ERBB4: variants seen among roughly 807,000 people sequenced by gnomAD.
ERBB4 encodes the protein erb-b2 receptor tyrosine kinase 4.
A neutral mutation model predicts 158.0 loss-of-function variants in ERBB4; 42 were observed. The ratio of observed to expected loss-of-function variants is 0.27; its 90% CI spans 0.21 to 0.34. The LOEUF (loss-of-function observed/expected upper bound fraction) is 0.34. Ranked by LOEUF, ERBB4 falls within the 10% of genes least tolerant of loss-of-function variation. The pLI is 1.00. For missense variants in ERBB4, 1,333 were observed against 1,624.1 expected (o/e 0.82, Z 3.08); for synonymous variants, 583 against 558.7 (o/e 1.04, Z -0.61).
At chr2:211,578,835 C>A (rs1204133883) in intron 19 of ERBB4, among the ~76,000 whole-genome samples, 1 of 151,874 alleles carries the variant, frequency 6.6e-6, no homozygotes, top group Non-Finnish European at 1.5e-5. Flanking sequence ...ATGTAAAACC[C>A]AAAATTATAA....
intron 1 of ERBB4, among the ~76,000 whole-genome samples, chr2:212,220,847 GAATT>G (rs1165682332): frequency 6.6e-6 from 1 of 151,306 alleles, no homozygotes; most frequent in African/African-American, 2.4e-5. Context: ...TGTGATTGAT[GAATT>G]AATATCTTAC....
intron 1 of ERBB4, among the ~76,000 whole-genome samples, chr2:212,400,121 G>A (rs564083123): frequency 5.5e-4 from 83 of 152,280 alleles, no homozygotes; most frequent in Non-Finnish European, 6.0e-4. Context: ...TGGTTAGAAA[G>A]ATGACAAAAC....
intron 2 of ERBB4, among the ~76,000 whole-genome samples, chr2:212,116,461 T>C (rs1225069941): frequency 2.0e-5 from 3 of 152,226 alleles, no homozygotes; most frequent in Non-Finnish European, 4.4e-5. Context: ...TTGTTGTTTT[T>C]TCTTGAGACA....
intron 2 of ERBB4, among the ~76,000 whole-genome samples, chr2:211,989,489 A>C (rs2082017769): frequency 6.6e-6 from 1 of 151,888 alleles, no homozygotes; most frequent in African/African-American, 2.4e-5. Flanking sequence ...TCTTAAAATA[A>C]ATTTTATTCA....
chr2:212,106,658 G>C (rs2079236282), intron 2 of ERBB4, among the ~76,000 whole-genome samples: 1 of 152,226 alleles, frequency 6.6e-6, no homozygotes, highest in East Asian at 1.9e-4. Context: ...TGTCCCCAGG[G>C]CATGTCAGAG....
At chr2:212,260,925 A>G (rs1342010931) in intron 1 of ERBB4, among the ~76,000 whole-genome samples, 2 of 152,200 alleles carry the variant, frequency 1.3e-5, no homozygotes, top group African/African-American at 4.8e-5. Flanking sequence ...GAAAGAAATG[A>G]AAGTTATGCA....
chr2:211,376,305 C>A lies in ERBB4; in HGVS notation c.*7310G>T. On this transcript the variant is annotated 3_prime_UTR_variant, in exon 28 of 28. Transcript: ENST00000342788. ...CTTATATACAAATCAACCCTAAAGACAATTATGTTCCAAATAAAGATGTCC... is the reference window on the plus strand; with the variant it reads ...CTTATATACAAATCAACCCTAAAGAAAATTATGTTCCAAATAAAGATGTCC... 4.3e-6 allele frequency: 1 copy of A among 232,984 alleles called. No individual in the cohort carries two copies. Among genetic ancestry groups the A allele is most frequent in the Non-Finnish European group, 8.5e-6 (1 of 117,680 alleles). 14.4% of individuals were successfully genotyped at this position (232,984 alleles called of 1,614,324 possible).
At chr2:212,387,339 C>T (rs1271094300) in intron 1 of ERBB4, among the ~76,000 whole-genome samples, 3 of 152,134 alleles carry the variant, frequency 2.0e-5, no homozygotes, top group Admixed American at 1.3e-4. Flanking sequence ...ATGCATACAG[C>T]AGCGTTGAAG....
chr2:211,768,921 T>C (rs1205410780), intron 4 of ERBB4, among the ~76,000 whole-genome samples: 2 of 152,244 alleles, frequency 1.3e-5, no homozygotes, highest in African/African-American at 4.8e-5. Context: ...AAGTTTTTCT[T>C]TTCTATTGCA....
intron 20 of ERBB4, among the ~76,000 whole-genome samples, chr2:211,532,266 T>G (rs552762022): frequency 1.2e-4 from 18 of 152,154 alleles, no homozygotes; most frequent in Admixed American, 6.5e-4. Context: ...AATTGTACAT[T>G]TTAAAGTAAC....
chr2:211,505,229 T>C (rs1165566399), intron 20 of ERBB4, among the ~76,000 whole-genome samples: 1 of 151,628 alleles, frequency 6.6e-6, no homozygotes, highest in Non-Finnish European at 1.5e-5. Flanking sequence ...CTAAAGAAAA[T>C]TCCCTCAGAC....
At chr2:212,260,255 C>T (rs1374545215) in intron 1 of ERBB4, among the ~76,000 whole-genome samples, 1 of 151,894 alleles carries the variant, frequency 6.6e-6, no homozygotes, top group Non-Finnish European at 1.5e-5. Context: ...CTAGAAAATT[C>T]AGAGTCCAAA....
chr2:212,498,205 A>C (rs1312650758), intron 1 of ERBB4, among the ~76,000 whole-genome samples: 1 of 151,816 alleles, frequency 6.6e-6, no homozygotes, highest in Non-Finnish European at 1.5e-5. Context: ...CCCCTTCCCC[A>C]ACTTCCTGCA....
intron 1 of ERBB4, among the ~76,000 whole-genome samples, chr2:212,412,113 C>T (rs955366710): frequency 1.3e-5 from 2 of 152,218 alleles, no homozygotes; most frequent in African/African-American, 4.8e-5. Flanking sequence ...ATCATGCCCA[C>T]ACCCATTCCC....
chr2:212,205,093 C>G (rs2105912011), intron 1 of ERBB4, among the ~76,000 whole-genome samples: 1 of 152,188 alleles, frequency 6.6e-6, no homozygotes, highest in East Asian at 1.9e-4. Flanking sequence ...GCTAGAATTA[C>G]AGGCATGAGC....
At chr2:211,527,803 T>C (rs2066388732) in intron 20 of ERBB4, among the ~76,000 whole-genome samples, 1 of 151,992 alleles carries the variant, frequency 6.6e-6, no homozygotes, top group South Asian at 2.1e-4. Flanking sequence ...AAATAATGGA[T>C]GATAACAGGT....
rs539819762 is a variant in ERBB4 at position 211,425,781 on chromosome 2, C to T, written c.2720-1480G>A. Reference sequence around the variant, plus strand: ...ACTGCACCCTCAACTTCCCCAGGCTCACATGATCTTTTCACCTCAGCTTCC... The same window carrying T: ...ACTGCACCCTCAACTTCCCCAGGCTTACATGATCTTTTCACCTCAGCTTCC... On this transcript the variant is annotated intron_variant, in intron 22 of 27. Transcript: ENST00000342788. Among the ~76,000 whole-genome samples, 69 of 152,216 alleles carry T rather than the reference C, an allele frequency of 4.5e-4. 1 individual carries two copies. Among genetic ancestry groups the T allele is most frequent in the African/African-American group, 1.6e-3 (68 of 41,534 alleles).
chr2:212,261,722 T>G (rs1324944200), intron 1 of ERBB4, among the ~76,000 whole-genome samples: 1 of 152,080 alleles, frequency 6.6e-6, no homozygotes, highest in East Asian at 1.9e-4. Flanking sequence ...AAAGGATATC[T>G]CTGTAAGAGC....
intron 8 of ERBB4, 67 bp from the exon 9 acceptor site, chr2:211,712,243 T>C: frequency 1.4e-6 from 2 of 1,475,276 alleles, no homozygotes; most frequent in South Asian, 2.3e-5. Context: ...TCATTGCATC[T>C]TCATTATAAA....
Sources: allele counts gnomAD v4.1 joint callset (sites outside exome capture counted in the v4.1 genomes callset), GRCh38; gene constraint gnomAD v4.1.1; transcripts MANE v1.5; gene names NCBI Gene and HGNC (gene_info 2026-07-23, HGNC 2026-07-21).